SNX25: variants seen among roughly 807,000 people sequenced by gnomAD.
SNX25 encodes sorting nexin 25, also known as sorting nexin-25.
In SNX25, 62 loss-of-function variants were observed where a neutral mutation model predicts 113.7. The observed-to-expected ratio is 0.55, with a 90% CI of 0.44 to 0.67. The LOEUF (loss-of-function observed/expected upper bound fraction) is 0.67. Among genes scored for constraint, SNX25 ranks in the 30% least tolerant of loss-of-function variants. SNX25 has a pLI of 0.00. For synonymous variants in SNX25, 421 were observed against 436.2 expected, an observed-to-expected ratio of 0.97 and a Z score of 0.43; for missense variants, 1,014 against 1,161.0, an observed-to-expected ratio of 0.87 and a Z score of 1.84.
intron 6 of SNX25, among the ~76,000 whole-genome samples, chr4:185,295,390 A>G (rs1428465073): frequency 1.3e-5 from 2 of 152,104 alleles, no homozygotes; most frequent in Non-Finnish European, 2.9e-5. Context: ...TGAATGTAGT[A>G]TACATTAATA....
the SNX25 span, among the ~76,000 whole-genome samples, chr4:185,376,646 A>G: frequency 6.6e-6 from 1 of 151,800 alleles, no homozygotes; most frequent in African/African-American, 2.4e-5. Flanking sequence ...TAAAAATTTG[A>G]TTTTTAATCT....
chr4:185,233,888 G>C (rs1313361020), intron 1 of SNX25, among the ~76,000 whole-genome samples: 1 of 151,870 alleles, frequency 6.6e-6, no homozygotes, highest in Non-Finnish European at 1.5e-5. Context: ...GATGGAGTGT[G>C]GCTCTGTTGC....
chr4:185,285,224 ACATCTATTTT>A (rs1751178711), intron 5 of SNX25, among the ~76,000 whole-genome samples: 1 of 152,158 alleles, frequency 6.6e-6, no homozygotes, highest in African/African-American at 2.4e-5. Context: ...TCTGTCATAA[ACATCTATTTT>A]CATGTAATCT....
At chr4:185,296,340 G>T (rs1355976167) in intron 6 of SNX25, among the ~76,000 whole-genome samples, 2 of 152,082 alleles carry the variant, frequency 1.3e-5, no homozygotes, top group Non-Finnish European at 2.9e-5. Flanking sequence ...TCTTTACTTT[G>T]TATATTTAGG....
At chr4:185,268,814 G>A (rs1310926198) in intron 5 of SNX25, among the ~76,000 whole-genome samples, 1 of 152,104 alleles carries the variant, frequency 6.6e-6, no homozygotes, top group African/African-American at 2.4e-5. Context: ...AATACATAAT[G>A]ACAGCTTCAA....
chr4:185,215,764 T>C (rs1738706698), intron 1 of SNX25, among the ~76,000 whole-genome samples: 1 of 152,034 alleles, frequency 6.6e-6, no homozygotes, highest in South Asian at 2.1e-4. Context: ...ATCCTATCTG[T>C]GGTATAAGCG....
intron 5 of SNX25, among the ~76,000 whole-genome samples, chr4:185,278,625 G>A (rs1750098111): frequency 6.6e-6 from 1 of 152,122 alleles, no homozygotes; most frequent in Non-Finnish European, 1.5e-5. Context: ...AGGATTAATG[G>A]ATGAGATGAA....
At chr4:185,362,837 C>CTTTTTTTTTTTTTTTTTT (rs35348535) in intron 18 of SNX25, 126 bp downstream of exon 18, 1 of 234,090 alleles carries the variant, frequency 4.3e-6, no homozygotes, top group African/African-American at 3.9e-5. Context: ...TCTCCCTTGA[C>CTTTTTTTTTTTTTTTTTT]TTTTTTTTTT....
downstream of SNX25, chr4:185,373,009 T>C: frequency 6.2e-7 from 1 of 1,613,782 alleles, no homozygotes; most frequent in Non-Finnish European, 8.5e-7. Context: ...TCCATACAAG[T>C]ACATGAGCCC....
Position 185,267,010 on chromosome 4 carries a change from AT to A in SNX25, c.948del (p.Asn317ThrfsTer14). On this transcript the variant is annotated frameshift_variant, in exon 5 of 19. Transcript: ENST00000652585. LOFTEE classifies it high-confidence loss of function. ...VVELLSNPDY[I>X]NQMLLAQLAY... ...GGAGTTACTGAGTAATCCAGATTAC[AT>A]TAACCAAATGCTGCTTGCCCAGCTG... 3 of 1,613,932 alleles carry A rather than the reference AT, an allele frequency of 1.9e-6. No individual in the cohort carries two copies. Among genetic ancestry groups the A allele is most frequent in the Non-Finnish European group, 2.5e-6 (3 of 1,179,848 alleles).
At chr4:185,338,292 T>C (rs957271470) in intron 10 of SNX25, among the ~76,000 whole-genome samples, 5 of 151,540 alleles carry the variant, frequency 3.3e-5, no homozygotes, top group Non-Finnish European at 1.5e-5. Context: ...TTTTTTTTTT[T>C]TGAGACGGAG....
At chr4:185,323,861 G>A in intron 9 of SNX25, 61 bp downstream of exon 9, 1 of 1,578,028 alleles carries the variant, frequency 6.3e-7, no homozygotes, top group South Asian at 1.2e-5. Flanking sequence ...ATGTTTAAGT[G>A]GGTGCATATT....
chr4:185,362,626 T>G lies in SNX25; in HGVS notation c.2849T>G (p.Leu950Arg), dbSNP rs754845393. 6 of 1,614,124 alleles carry G rather than the reference T, an allele frequency of 3.7e-6. No individual in the cohort carries two copies. The Admixed American group carries it at 1.0e-4, about 27-fold the overall frequency. The change falls in exon 18 of 19, where the codon CTT becomes CGT. Residue 950 changes from leucine to arginine, a missense_variant. Transcript: ENST00000652585. ...LENIPDMLQS[L>R]VGQQNARHGI... ...AATTTTTCAGATATGCTTCAGAGCC[T>G]TGTTGGACAGCAAAATGCCCGCCAC...
intron 13 of SNX25, among the ~76,000 whole-genome samples, chr4:185,350,566 G>A (rs1304252046): frequency 6.6e-6 from 1 of 152,186 alleles, no homozygotes; most frequent in Non-Finnish European, 1.5e-5. Context: ...AGGGCTGGTA[G>A]AAACTGTTAT....
intron 7 of SNX25, among the ~76,000 whole-genome samples, chr4:185,319,535 T>A (rs1357124805): frequency 6.6e-6 from 1 of 151,956 alleles, no homozygotes; most frequent in Non-Finnish European, 1.5e-5. Flanking sequence ...TTTATCACTT[T>A]TCCCCTTTAA....
At chr4:185,323,448 C>G (rs1185527798) in intron 8 of SNX25, 80 bp from the exon 9 acceptor site, 7 of 1,397,908 alleles carry the variant, frequency 5.0e-6, no homozygotes, top group Non-Finnish European at 6.9e-6. Flanking sequence ...TTCTGACTTT[C>G]AAATGCAAAT....
In SNX25 at chr4:185,266,653, C is replaced by T. The variant is rs147475139; in HGVS notation, c.905-316C>T. On this transcript the variant is annotated intron_variant, in intron 4 of 18. Coordinates refer to ENST00000652585, the MANE Select transcript of SNX25 (RefSeq NM_001378034.2). ...CTGGGATTACAGGTGTGAGCCACCA[C>T]GCCCGGCCTTAATTTTGATAGATTT... 5.4e-3 allele frequency among the ~76,000 whole-genome samples: 823 copies of T among 152,162 alleles called. 11 individuals carry two copies. Among genetic ancestry groups the T allele is most frequent in the Non-Finnish European group, 6.7e-3 (455 of 67,972 alleles).
chr4:185,305,444 C>A (rs1754326053), intron 6 of SNX25, among the ~76,000 whole-genome samples: 1 of 152,140 alleles, frequency 6.6e-6, no homozygotes, highest in African/African-American at 2.4e-5. Flanking sequence ...ACAGTGGTGC[C>A]ATTTTAATCC....
Position 185,210,279 on chromosome 4 carries a change from C to T in SNX25, c.429+24C>T, listed in dbSNP as rs1417336789. ...GGGTAAGTACCCGACTCCTGGCCGC[C>T]CAGCTCCGCCGGCCCTCCCCGCTTC... On this transcript the variant is annotated intron_variant, in intron 1 of 18. Coordinates refer to ENST00000652585, the MANE Select transcript of SNX25 (RefSeq NM_001378034.2). This position sits in a 1 kb window ranked among gnomAD's most constrained non-coding sequence, Gnocchi z 4.4. 2 of 984,544 alleles carry T rather than the reference C, an allele frequency of 2.0e-6. No individual in the cohort carries two copies. Among genetic ancestry groups the T allele is most frequent in the East Asian group, 2.3e-4 (2 of 8,774 alleles). 61.0% of individuals were successfully genotyped at this position (984,544 alleles called of 1,614,324 possible).
Sources: gnomAD v4.1 joint callset for allele counts (sites outside exome capture counted in the v4.1 genomes callset) on GRCh38, gnomAD v4.1.1 for gene constraint, Gnocchi (gnomAD v3.1) non-coding constraint, MANE v1.5 for transcripts, NCBI Gene and HGNC (gene_info 2026-07-23, HGNC 2026-07-21) for gene names.